The following LAPTM4B variants were observed in gnomAD, a reference collection of about 807,000 sequenced individuals.
LAPTM4B encodes the protein lysosomal-associated transmembrane protein 4B.
A neutral mutation model predicts 28.5 loss-of-function variants in LAPTM4B; 26 were observed. The ratio of observed to expected loss-of-function variants is 0.91; its 90% CI spans 0.67 to 1.27. LAPTM4B has a LOEUF of 1.27. Ranked by LOEUF, LAPTM4B falls within the 50% of genes most tolerant of loss-of-function variation. The pLI, the probability that LAPTM4B is intolerant of heterozygous loss-of-function variation, is 0.00. For missense variants in LAPTM4B, 288 were observed against 285.8 expected (o/e 1.01, Z -0.06); for synonymous variants, 109 against 106.4 (o/e 1.02, Z -0.15).
In LAPTM4B at chr8:97,842,827, G is replaced by A. The variant is rs532621606; in HGVS notation, c.604-8570G>A. Among the ~76,000 whole-genome samples the A allele has an allele frequency of 4.7e-5, 7 of 148,668 alleles. No individual in the cohort carries two copies. The East Asian group carries it at 1.2e-3, about 26-fold the overall frequency. ...CCACCGCGCCTGGCCTAATCTTTGG[G>A]GTTTTTGTAAGGATATCTTTTTCCT... On this transcript the variant is annotated intron_variant, in intron 6 of 6. Transcript: ENST00000521545.
chr8:97,779,205 G>A (rs1471476144), intron 1 of LAPTM4B, among the ~76,000 whole-genome samples: 4 of 152,114 alleles, frequency 2.6e-5, no homozygotes, highest in Admixed American at 2.0e-4. Context: ...CAGAGGCCAA[G>A]TGCGGTGGCT....
intron 1 of LAPTM4B, among the ~76,000 whole-genome samples, chr8:97,780,955 CT>C (rs893982053): frequency 1.3e-5 from 2 of 150,082 alleles, no homozygotes; most frequent in Admixed American, 6.6e-5. Flanking sequence ...TTGTTTGTCT[CT>C]TTTTTTTTCT....
At chr8:97,823,908 A>T (rs1389388082) in intron 5 of LAPTM4B, among the ~76,000 whole-genome samples, 1 of 150,654 alleles carries the variant, frequency 6.6e-6, no homozygotes, top group East Asian at 2.0e-4. Flanking sequence ...TGTGTTGCCC[A>T]GGCTGTTCTC....
intron 1 of LAPTM4B, among the ~76,000 whole-genome samples, chr8:97,795,643 A>G (rs537910782): frequency 1.2e-3 from 175 of 152,084 alleles, no homozygotes; most frequent in African/African-American, 4.0e-3. Flanking sequence ...GCTTGAGGTC[A>G]GGAGTTTGAG....
Position 97,823,778 on chromosome 8 carries a change from A to G in LAPTM4B, c.508-1280A>G, listed in dbSNP as rs577811856. Among the ~76,000 whole-genome samples, 9 of 150,942 alleles carry G rather than the reference A, an allele frequency of 6.0e-5. No homozygotes were observed. In the East Asian group the frequency reaches 1.8e-3, roughly 29 times the overall value. ...AGTGGCACGATCTTGGCTCACTGCAACTGCCACCTCCCGGGTTCAAGCAAT... is the reference window on the plus strand; with the variant it reads ...AGTGGCACGATCTTGGCTCACTGCAGCTGCCACCTCCCGGGTTCAAGCAAT... On this transcript the variant is annotated intron_variant, in intron 5 of 6. Coordinates refer to ENST00000521545, the MANE Select transcript of LAPTM4B (RefSeq NM_018407.6).
At chr8:97,833,438 T>C (rs1382837875) in intron 6 of LAPTM4B, among the ~76,000 whole-genome samples, 2 of 152,246 alleles carry the variant, frequency 1.3e-5, no homozygotes, top group Non-Finnish European at 2.9e-5. Context: ...CCTAAAATAA[T>C]AAGTTTCTAA....
intron 2 of LAPTM4B, among the ~76,000 whole-genome samples, chr8:97,809,422 A>G (rs997680390): frequency 6.6e-6 from 1 of 152,150 alleles, no homozygotes; most frequent in Non-Finnish European, 1.5e-5. Flanking sequence ...ATGTTAGACC[A>G]GGTGCGGTAG....
At chr8:97,776,187 G>C in intron 1 of LAPTM4B, 79 bp downstream of exon 1, 3 of 1,402,982 alleles carry the variant, frequency 2.1e-6, no homozygotes, top group Non-Finnish European at 2.8e-6. Flanking sequence ...CCTCGCGGTG[G>C]GGTGAGGCGT....
chr8:97,802,789 T>A (rs1816704031), intron 1 of LAPTM4B, among the ~76,000 whole-genome samples: 1 of 152,190 alleles, frequency 6.6e-6, no homozygotes, highest in African/African-American at 2.4e-5. Flanking sequence ...GCTTGTAGTA[T>A]CTGTTTAAAT....
intron 2 of LAPTM4B, among the ~76,000 whole-genome samples, chr8:97,808,075 C>T (rs1229540563): frequency 6.6e-6 from 1 of 151,754 alleles, no homozygotes; most frequent in African/African-American, 2.4e-5. Flanking sequence ...CCTACCTTGG[C>T]CTCCCAAAGT....
chr8:97,845,315 C>T (rs1354189546), intron 6 of LAPTM4B, among the ~76,000 whole-genome samples: 1 of 151,804 alleles, frequency 6.6e-6, no homozygotes, highest in Admixed American at 6.6e-5. Flanking sequence ...CCCAAACTAA[C>T]ACTTGCTTTG....
In LAPTM4B at chr8:97,842,936, T is replaced by C. The variant is rs891698277; in HGVS notation, c.604-8461T>C. ...CGCTCTCACCCAGGCTGGAGTGTGG[T>C]GGTGCAAACTTGGCTTACTGCAACC... On this transcript the variant is annotated intron_variant, in intron 6 of 6. Transcript: ENST00000521545. Among the ~76,000 whole-genome samples, 13 of 151,736 alleles carry C rather than the reference T, an allele frequency of 8.6e-5. No homozygotes were observed. In the East Asian group the frequency reaches 1.4e-3, roughly 16 times the overall value.
rs1817539459 is a variant in LAPTM4B, at chr8:97,852,396, T to A, written c.*922T>A. ...TCCTACTGCTTTGAACTTCCAAGTATGTCTAGTCACCTTTTAAAATGTAAA... is the reference window on the plus strand; with the variant it reads ...TCCTACTGCTTTGAACTTCCAAGTAAGTCTAGTCACCTTTTAAAATGTAAA... On this transcript the variant is annotated 3_prime_UTR_variant, in exon 7 of 7. Transcript: ENST00000521545. The A allele has an allele frequency of 6.6e-6, 1 of 152,272 alleles. No homozygotes were observed. Among genetic ancestry groups the A allele is most frequent in the African/African-American group, 2.4e-5 (1 of 41,470 alleles). The allele number at this position is 152,272 out of a possible 1,614,324, so 9.4% of individuals were successfully genotyped here. A position where few individuals can be genotyped will look rare whatever the true frequency, so the allele number is the denominator to read the frequency against.
At position 97,776,042 on chromosome 8, in the gene LAPTM4B, C is replaced by G; in HGVS notation, c.33C>G (p.Tyr11Ter). The change falls in exon 1 of 7, where the codon TAC (tyrosine) becomes TAG (stop). Residue 11 changes from tyrosine to a stop codon, truncating the protein, a stop_gained. Coordinates refer to ENST00000521545, the MANE Select transcript of LAPTM4B (RefSeq NM_018407.6). LOFTEE classifies it high-confidence loss of function. The stretch of plus-strand genomic sequence containing the variant: ...TGGTCGCGCCCTGGACGCGGTTCTA[C>G]TCCAACAGCTGCTGCTTGTGCTGCC... MKMVAPWTRFYSNSCCLCCHV... is the reference protein window; with the variant it reads MKMVAPWTRF 2 of 1,587,266 alleles carry G rather than the reference C, an allele frequency of 1.3e-6. No individual in the cohort carries two copies. Among genetic ancestry groups the G allele is most frequent in the Non-Finnish European group, 8.5e-7 (1 of 1,170,296 alleles).
chr8:97,820,156 C>T (rs1194281171), intron 5 of LAPTM4B, among the ~76,000 whole-genome samples: 1 of 152,170 alleles, frequency 6.6e-6, no homozygotes, highest in Non-Finnish European at 1.5e-5. Context: ...CCTTATCAAT[C>T]AATTGCTGCA....
At chr8:97,808,927 C>T (rs1816790930) in intron 2 of LAPTM4B, among the ~76,000 whole-genome samples, 1 of 151,862 alleles carries the variant, frequency 6.6e-6, no homozygotes, top group Non-Finnish European at 1.5e-5. Context: ...TGCCACTACA[C>T]TCCAGCCTGG....
chr8:97,777,272 G>T (rs1409291770), intron 1 of LAPTM4B, among the ~76,000 whole-genome samples: 2 of 147,748 alleles, frequency 1.4e-5, no homozygotes, highest in Non-Finnish European at 3.0e-5. Context: ...TCAGCTTCCC[G>T]AGTAGCTGGG....
At chr8:97,791,166 A>G (rs1816491181) in intron 1 of LAPTM4B, among the ~76,000 whole-genome samples, 1 of 152,048 alleles carries the variant, frequency 6.6e-6, no homozygotes, top group African/African-American at 2.4e-5. Flanking sequence ...TTGGCCTCCC[A>G]AAGTGCTGGG....
chr8:97,776,446 T>C (rs1816218240), intron 1 of LAPTM4B, among the ~76,000 whole-genome samples: 1 of 152,240 alleles, frequency 6.6e-6, no homozygotes, highest in Admixed American at 6.5e-5. Context: ...ACTGAGCTTA[T>C]CTGCCGAGCA....
Sources: allele counts gnomAD v4.1 joint callset (sites outside exome capture counted in the v4.1 genomes callset), GRCh38; gene constraint gnomAD v4.1.1; transcripts MANE v1.5; gene names NCBI Gene and HGNC (gene_info 2026-07-23, HGNC 2026-07-21).